The following LGR4 variants were observed in gnomAD, a reference collection of about 807,000 sequenced individuals.
LGR4 encodes the protein leucine-rich repeat-containing G protein-coupled receptor 4.
A neutral mutation model predicts 84.8 loss-of-function variants in LGR4; 44 were observed. The observed-to-expected ratio is 0.52, with a 90% CI of 0.41 to 0.67. LGR4 has a LOEUF of 0.67. Ranked by LOEUF, LGR4 falls within the 30% of genes least tolerant of loss-of-function variation. The probability of loss-of-function intolerance (pLI) is 0.00; values close to 1 mark genes in which losing one functional copy is unlikely to be tolerated. For synonymous variants in LGR4, 429 were observed against 434.3 expected (o/e 0.99, Z 0.15); for missense variants, 1,032 against 1,131.4 (o/e 0.91, Z 1.26).
chr11:27,386,759 G>A (rs1863195955), intron 4 of LGR4, among the ~76,000 whole-genome samples: 1 of 152,176 alleles, frequency 6.6e-6, no homozygotes, highest in African/African-American at 2.4e-5. Flanking sequence ...GTATCTGATG[G>A]AAGCTTTCTT....
Position 27,372,378 on chromosome 11 carries a change from G to A in LGR4, c.1400C>T (p.Ala467Val). The change falls in exon 16 of 18, where the codon GCT (alanine) becomes GTT (valine). Residue 467 changes from alanine (A) to valine (V), a missense_variant. Coordinates refer to ENST00000379214, the MANE Select transcript of LGR4 (RefSeq NM_018490.5). ...VNLRSLSVPY[A>V]YQCCAFWGCD... ...ACCCCAAAATGCACAGCACTGATAA[G>A]CATATGGTACTGATAAAGACCTGGA... 6.2e-7 allele frequency: 1 copy of A among 1,610,406 alleles called. No individual in the cohort carries two copies. The highest frequency in any genetic ancestry group is 8.5e-7 in the Non-Finnish European group (1 of 1,176,780).
intron 7 of LGR4, 68 bp from the exon 8 acceptor site, chr11:27,381,034 C>T (rs1038482100): frequency 6.1e-6 from 5 of 821,302 alleles, no homozygotes; most frequent in South Asian, 4.4e-5. Context: ...CAAGTATCTA[C>T]TGCTGTTCAG....
intron 1 of LGR4, among the ~76,000 whole-genome samples, chr11:27,429,549 A>T (rs2133419352): frequency 6.6e-6 from 1 of 152,054 alleles, no homozygotes; most frequent in Non-Finnish European, 1.5e-5. Flanking sequence ...GTGATCAGGA[A>T]GTGGAGGAGG....
intron 1 of LGR4, among the ~76,000 whole-genome samples, chr11:27,461,883 G>A (rs1168296026): frequency 2.4e-5 from 3 of 123,340 alleles, no homozygotes; most frequent in African/African-American, 9.5e-5. Context: ...TCACTCTGTC[G>A]TCCAGGCTGG....
intron 17 of LGR4, 117 bp downstream of exon 17, chr11:27,371,498 C>T: frequency 1.5e-6 from 1 of 646,002 alleles, no homozygotes; most frequent in Non-Finnish European, 2.5e-6. Flanking sequence ...GAAGGCCTCA[C>T]AGGATCCTCT....
At position 27,376,382 on chromosome 11, in the gene LGR4, AAG is replaced by A; in HGVS notation, c.1110-14_1110-13del. 7.6e-7 allele frequency: 1 copy of A among 1,311,146 alleles called. No individual in the cohort carries two copies. Among genetic ancestry groups the A allele is most frequent in the Non-Finnish European group, 1.1e-6 (1 of 929,562 alleles). The allele number at this position is 1,311,146 out of a possible 1,614,324, so 81.2% of individuals were successfully genotyped here. On this transcript the variant is annotated splice_polypyrimidine_tract_variant and intron_variant, in intron 12 of 17. Coordinates refer to ENST00000379214, the MANE Select transcript of LGR4 (RefSeq NM_018490.5). The stretch of plus-strand genomic sequence containing the variant: ...TACGCTGTAAAGAACTAAATAAAAA[AAG>A]AAGAAGAAAGAAGACGAAGACAAAG...
At chr11:27,459,922 C>T (rs1163576288) in intron 1 of LGR4, among the ~76,000 whole-genome samples, 1 of 151,998 alleles carries the variant, frequency 6.6e-6, no homozygotes, top group Non-Finnish European at 1.5e-5. Context: ...GAAACCCCAT[C>T]TCTACTAAAA....
At chr11:27,384,449 A>G in intron 5 of LGR4, 42 bp from the exon 6 acceptor site, 1 of 1,285,986 alleles carries the variant, frequency 7.8e-7, no homozygotes, top group Non-Finnish European at 1.1e-6. Context: ...TCCATCTCCC[A>G]TTGGCAACTA....
chr11:27,448,728 T>C (rs1864434448), intron 1 of LGR4, among the ~76,000 whole-genome samples: 1 of 152,214 alleles, frequency 6.6e-6, no homozygotes. Flanking sequence ...AGATATGTAT[T>C]TGCATTTGAA....
rs188256866 is a variant in LGR4, at chr11:27,453,345, G to A, written c.185+18773C>T. On this transcript the variant is annotated intron_variant, in intron 1 of 17. Transcript: ENST00000379214. ...GCCTCCCAAAGTGCTGGGATTACAG[G>A]CGTGAGCCACCACGCCCGGCCAAGA... is the stretch of plus-strand genomic sequence containing the variant. Among the ~76,000 whole-genome samples the A allele has an allele frequency of 4.1e-3, 626 of 152,316 alleles. 2 individuals are homozygous for A. The highest frequency in any genetic ancestry group is 0.016 in the South Asian group (75 of 4,820).
At chr11:27,385,535 C>A (rs368692724) in intron 4 of LGR4, 67 bp from the exon 5 acceptor site, 7 of 975,610 alleles carry the variant, frequency 7.2e-6, no homozygotes, top group South Asian at 1.7e-5. Flanking sequence ...TCAAGTCTCA[C>A]AACTCAAAGC....
chr11:27,450,350 G>C (rs1217134804), intron 1 of LGR4, among the ~76,000 whole-genome samples: 2 of 152,122 alleles, frequency 1.3e-5, no homozygotes, highest in Non-Finnish European at 2.9e-5. Flanking sequence ...ACTCCTCCTG[G>C]CAGAATACTT....
chr11:27,447,014 A>C (rs942135850), intron 1 of LGR4, among the ~76,000 whole-genome samples: 2 of 147,698 alleles, frequency 1.4e-5, no homozygotes, highest in Admixed American at 1.4e-4. Flanking sequence ...GGTGGGGAAC[A>C]TCACACACCG....
intron 14 of LGR4, 141 bp downstream of exon 14, chr11:27,373,834 A>G (rs1327055166): frequency 1.0e-6 from 1 of 975,370 alleles, no homozygotes; most frequent in East Asian, 2.4e-5. Context: ...GTTTAAGAAG[A>G]CTTTTACTAT....
chr11:27,469,071 G>A (rs562031899), intron 1 of LGR4, among the ~76,000 whole-genome samples: 1 of 152,238 alleles, frequency 6.6e-6, no homozygotes, highest in African/African-American at 2.4e-5. Context: ...TTACTGCCTT[G>A]AACACTCCTC....
At position 27,381,013 on chromosome 11, in the gene LGR4, G is replaced by A. The variant is rs372637020; in HGVS notation, c.759-47C>T. On this transcript the variant is annotated intron_variant, in intron 7 of 17. Transcript: ENST00000379214. ...ATTTTGAAATGCATTATCCTCTTGCGAAATAAAACCCAAGTATCTACTGCT... is the reference window on the plus strand; with the variant it reads ...ATTTTGAAATGCATTATCCTCTTGCAAAATAAAACCCAAGTATCTACTGCT... 105 of 1,019,612 alleles carry A rather than the reference G, an allele frequency of 1.0e-4. 1 individual carries two copies. The highest frequency in any genetic ancestry group is 4.4e-4 in the South Asian group (33 of 74,904). The allele number at this position is 1,019,612 out of a possible 1,614,324, so 63.2% of individuals were successfully genotyped here.
chr11:27,455,142 T>A (rs1864550262), intron 1 of LGR4, among the ~76,000 whole-genome samples: 1 of 152,136 alleles, frequency 6.6e-6, no homozygotes, highest in African/African-American at 2.4e-5. Flanking sequence ...CTCTAAGTGA[T>A]CCTCCTGTCT....
At position 27,377,243 on chromosome 11, in the gene LGR4, A is replaced by T. The variant is rs1321687915; in HGVS notation, c.1044-20T>A. 1 of 1,242,316 alleles carries T rather than the reference A, an allele frequency of 8.0e-7. No individual in the cohort carries two copies. Among genetic ancestry groups the T allele is most frequent in the East Asian group, 2.4e-5 (1 of 42,220 alleles). The allele number at this position is 1,242,316 out of a possible 1,614,324, so 77.0% of individuals were successfully genotyped here. On this transcript the variant is annotated intron_variant, in intron 11 of 17. Coordinates refer to ENST00000379214, the MANE Select transcript of LGR4 (RefSeq NM_018490.5). ...AAGTCCCTTAAAACAATGGAAATTA[A>T]CAAATTAATGCTATGTTATCAGAGT...
chr11:27,377,020 T>C (rs766797387), intron 12 of LGR4, 138 bp downstream of exon 12: 18 of 535,006 alleles, frequency 3.4e-5, no homozygotes, highest in Non-Finnish European at 6.1e-5. Context: ...CTGGTTCAAT[T>C]TGACATGTTA....
Sources: gnomAD v4.1 joint callset for allele counts (sites outside exome capture counted in the v4.1 genomes callset) on GRCh38, gnomAD v4.1.1 for gene constraint, MANE v1.5 for transcripts, NCBI Gene and HGNC (gene_info 2026-07-23, HGNC 2026-07-21) for gene names.